ATP5F1C: variants seen among roughly 807,000 people sequenced by gnomAD.
The protein encoded by ATP5F1C is ATP synthase F1 subunit gamma.
ATP5F1C carries 22 observed loss-of-function variants against 37.4 expected under a neutral mutation model. That is an observed-to-expected ratio of 0.59 (90% confidence interval 0.42 to 0.84). The LOEUF (loss-of-function observed/expected upper bound fraction) is 0.84, where lower values mean the gene tolerates loss of function less well. ATP5F1C is among the 40% of genes least tolerant of loss of function. The pLI is 0.00. For synonymous variants in ATP5F1C, 121 were observed against 128.0 expected (o/e 0.95, Z 0.37); for missense variants, 286 against 362.4 (o/e 0.79, Z 1.71).
chr10:7,798,940 T>C, intron 3 of ATP5F1C, 50 bp from the exon 4 acceptor site: 5 of 1,489,288 alleles, frequency 3.4e-6, no homozygotes, highest in Non-Finnish European at 4.6e-6. Flanking sequence ...AGATTTATTG[T>C]ATTTAGTGTA....
intron 8 of ATP5F1C, among the ~76,000 whole-genome samples, chr10:7,803,583 A>G (rs944947021): frequency 6.6e-6 from 1 of 152,196 alleles, no homozygotes; most frequent in African/African-American, 2.4e-5. Flanking sequence ...GGCCAACTAT[A>G]TACTGCTTTC....
chr10:7,796,976 A>G (rs1472812868), intron 2 of ATP5F1C, 71 bp from the exon 3 acceptor site: 1 of 1,535,884 alleles, frequency 6.5e-7, no homozygotes, highest in Non-Finnish European at 8.8e-7. Context: ...CTTCAGAAAA[A>G]TATGTCAATA....
chr10:7,794,726 T>G (rs1223300267), intron 1 of ATP5F1C, among the ~76,000 whole-genome samples: 1 of 152,210 alleles, frequency 6.6e-6, no homozygotes, highest in African/African-American at 2.4e-5. Flanking sequence ...GTATAATTAT[T>G]TTTAATACAT....
At chr10:7,796,860 A>T in intron 2 of ATP5F1C, 187 bp from the exon 3 acceptor site, 1 of 515,926 alleles carries the variant, frequency 1.9e-6, no homozygotes, top group Non-Finnish European at 3.3e-6. Flanking sequence ...CTGGGATTAC[A>T]GGCGTGAGCC....
intron 8 of ATP5F1C, among the ~76,000 whole-genome samples, chr10:7,805,279 G>T (rs77469391): frequency 8.5e-5 from 13 of 152,128 alleles, no homozygotes; most frequent in Admixed American, 3.9e-4. Context: ...TTTGTTCTTG[G>T]ATCTTAAGTG....
intron 1 of ATP5F1C, among the ~76,000 whole-genome samples, chr10:7,794,609 A>C (rs1345764007): frequency 6.6e-6 from 1 of 150,784 alleles, no homozygotes; most frequent in Non-Finnish European, 1.5e-5. Context: ...GCACCTATTG[A>C]TTGTATGATT....
intron 8 of ATP5F1C, chr10:7,804,233 A>C: frequency 3.9e-6 from 2 of 518,508 alleles, no homozygotes; most frequent in East Asian, 5.4e-5. Flanking sequence ...AAATTTGCCT[A>C]TTCTTGTGAC....
intron 8 of ATP5F1C, among the ~76,000 whole-genome samples, chr10:7,805,194 G>T (rs1836451308): frequency 6.6e-6 from 1 of 152,134 alleles, no homozygotes; most frequent in African/African-American, 2.4e-5. Context: ...GTAACATGGG[G>T]ACTAATACAA....
chr10:7,802,414 G>T lies in ATP5F1C; in HGVS notation c.782G>T (p.Ser261Ile). 1 of 1,612,344 alleles carries T rather than the reference G, an allele frequency of 6.2e-7. No homozygotes were observed. Residue 261 changes from serine to isoleucine, a missense_variant, in exon 7 of 10, where the codon AGC (serine) becomes ATC (isoleucine). Physicochemically the swap from Ser to Ile is moderately radical, Grantham distance 142. Coordinates refer to ENST00000356708, the MANE Select transcript of ATP5F1C (RefSeq NM_001001973.3). ...SARMTAMDNA[S>I]KNASEMIDKL... Reference sequence around the variant, plus strand: ...AGGATGACAGCCATGGACAATGCCAGCAAGAATGCTTGTAAGTACACAGTA... The same window carrying T: ...AGGATGACAGCCATGGACAATGCCATCAAGAATGCTTGTAAGTACACAGTA...
At chr10:7,796,805 T>C (rs368670314) in intron 2 of ATP5F1C, 101 of 288,722 alleles carry the variant, frequency 3.5e-4, no homozygotes, top group East Asian at 2.0e-3. Context: ...AAGATGGTCT[T>C]GATCTCCTGA....
Position 7,797,039 on chromosome 10 carries a change from T to C in ATP5F1C, c.92-8T>C. The stretch of plus-strand genomic sequence containing the variant: ...CCTTTGTCTTAACACAGTACTTCTA[T>C]TTTTCAGTCACCAGGAGACTAAAGT... On this transcript the variant is annotated splice_polypyrimidine_tract_variant and splice_region_variant and intron_variant, in intron 2 of 9. Coordinates refer to ENST00000356708, the MANE Select transcript of ATP5F1C (RefSeq NM_001001973.3). The C allele has an allele frequency of 6.2e-7, 1 of 1,613,190 alleles. No homozygotes were observed. The highest frequency in any genetic ancestry group is 8.5e-7 in the Non-Finnish European group (1 of 1,179,514).
At chr10:7,806,832 A>G in intron 8 of ATP5F1C, 142 bp from the exon 9 acceptor site, 1 of 612,164 alleles carries the variant, frequency 1.6e-6, no homozygotes, top group Non-Finnish European at 2.9e-6. Flanking sequence ...TCTTGTGGTA[A>G]GTATTTTTGC....
At chr10:7,799,748 T>C (rs774658962) in intron 4 of ATP5F1C, 24 bp from the exon 5 acceptor site, 10 of 1,609,596 alleles carry the variant, frequency 6.2e-6, no homozygotes, top group Non-Finnish European at 7.6e-6. Context: ...AAACTAGCTA[T>C]GTGAGCTCTT....
rs1836321853 is a variant in ATP5F1C, at chr10:7,799,971, T to C, written c.572+56T>C. The C allele has an allele frequency of 5.0e-6, 8 of 1,605,690 alleles. No homozygotes were observed. The Admixed American group carries it at 1.2e-4, about 24-fold the overall frequency. ...TATGTTCATGCTTTTGTTCATATTT[T>C]GAAATAACAGTTTAAAAATTATTTT... On this transcript the variant is annotated intron_variant, in intron 5 of 9. Coordinates refer to ENST00000356708, the MANE Select transcript of ATP5F1C (RefSeq NM_001001973.3).
chr10:7,799,287 A>G (rs1836305116), intron 4 of ATP5F1C, 93 bp downstream of exon 4: 1 of 1,208,682 alleles, frequency 8.3e-7, no homozygotes, highest in African/African-American at 1.5e-5. Flanking sequence ...AACCTTCATC[A>G]ATAACAAGGT....
In ATP5F1C at chr10:7,799,051, T is replaced by C; in HGVS notation, c.285T>C (p.Gly95=). The C allele has an allele frequency of 6.2e-7, 1 of 1,612,948 alleles. No homozygotes were observed. Among genetic ancestry groups the C allele is most frequent in the Non-Finnish European group, 8.5e-7 (1 of 1,179,886 alleles). The change falls in exon 4 of 10, where the codon GGT becomes GGC. Residue 95 remains glycine (G), a synonymous_variant. Coordinates refer to ENST00000356708, the MANE Select transcript of ATP5F1C (RefSeq NM_001001973.3). ...ACAAGAAGAAACACCTCCTTATTGG[T>C]GTGTCCTCAGATCGAGGACTGTGTG... The part of the protein sequence containing the change: ...PEDKKKHLLI[G]VSSDRGLCGA...
intron 8 of ATP5F1C, among the ~76,000 whole-genome samples, chr10:7,805,151 G>C (rs950000215): frequency 1.2e-4 from 19 of 152,192 alleles, no homozygotes; most frequent in African/African-American, 4.3e-4. Context: ...AACTTGGTTA[G>C]GATACTCTCT....
rs146931294 is a variant in ATP5F1C at position 7,798,340 on chromosome 10, G to A, written c.224-650G>A. On this transcript the variant is annotated intron_variant, in intron 3 of 9. Transcript: ENST00000356708. Reference sequence around the variant, plus strand: ...CAACCTCCCCCTCCCAGGCTCAAGCGATTCTCCTGCCTCAGCCTCCCCAGT... The same window carrying A: ...CAACCTCCCCCTCCCAGGCTCAAGCAATTCTCCTGCCTCAGCCTCCCCAGT... Among the ~76,000 whole-genome samples, 870 of 152,034 alleles carry A rather than the reference G, an allele frequency of 5.7e-3. 14 individuals carry two copies. Among genetic ancestry groups the A allele is most frequent in the African/African-American group, 0.019 (784 of 41,510 alleles).
At chr10:7,804,494 C>A (rs1412005992) in intron 8 of ATP5F1C, among the ~76,000 whole-genome samples, 1 of 152,216 alleles carries the variant, frequency 6.6e-6, no homozygotes, top group Non-Finnish European at 1.5e-5. Context: ...TCTTCCCTTG[C>A]TCCCTTGATT....
Sources: allele counts gnomAD v4.1 joint callset (sites outside exome capture counted in the v4.1 genomes callset), GRCh38; gene constraint gnomAD v4.1.1; transcripts MANE v1.5; gene names NCBI Gene and HGNC (gene_info 2026-07-23, HGNC 2026-07-21).